SLCO1B3: variants seen among roughly 807,000 people sequenced by gnomAD.
SLCO1B3 encodes solute carrier organic anion transporter family member 1B3, also known as liver-specific organic anion transporter 2.
SLCO1B3 carries 72 observed loss-of-function variants against 71.8 expected under a neutral mutation model. The observed-to-expected ratio is 1.00, with a 90% CI of 0.83 to 1.22. The LOEUF is 1.22. Among genes scored for constraint, SLCO1B3 ranks in the 50% most tolerant of loss-of-function variants. SLCO1B3 has a pLI of 0.00. For synonymous variants in SLCO1B3, 298 were observed against 278.4 expected (o/e 1.07, Z -0.70); for missense variants, 911 against 819.7 (o/e 1.11, Z -1.36).
At chr12:20,831,565 A>C (rs185471072) in intron 3 of SLCO1B3, among the ~76,000 whole-genome samples, 1 of 152,196 alleles carries the variant, frequency 6.6e-6, no homozygotes, top group Non-Finnish European at 1.5e-5. Context: ...AGTTGAATTT[A>C]GTTGCATTTC....
At chr12:20,896,025 C>T (rs974212399) in intron 13 of SLCO1B3, among the ~76,000 whole-genome samples, 38 of 152,292 alleles carry the variant, frequency 2.5e-4, no homozygotes, top group African/African-American at 6.7e-4. Context: ...CCCTTTCAGC[C>T]ACAGCTGGAG....
intron 3 of SLCO1B3, among the ~76,000 whole-genome samples, chr12:20,850,243 TTTA>T (rs1161652422): frequency 6.8e-6 from 1 of 147,824 alleles, no homozygotes; most frequent in African/African-American, 2.5e-5. Flanking sequence ...ACAGATTATT[TTTA>T]TTATTATTAT....
chr12:20,811,554 C>A (rs1233013676), intron 1 of SLCO1B3, among the ~76,000 whole-genome samples: 3 of 152,188 alleles, frequency 2.0e-5, no homozygotes, highest in Non-Finnish European at 4.4e-5. Flanking sequence ...TTGGCCTGCA[C>A]TGGTTTTCTA....
In SLCO1B3 at chr12:20,858,179, C is replaced by CA. The variant is rs142322493; in HGVS notation, c.227-251dup. 4.2e-4 allele frequency among the ~76,000 whole-genome samples: 64 copies of CA among 151,044 alleles called. 1 individual carries two copies. Among genetic ancestry groups the CA allele is most frequent in the African/African-American group, 1.2e-3 (50 of 41,256 alleles). On this transcript the variant is annotated intron_variant, in intron 4 of 15. Coordinates refer to ENST00000381545, the MANE Select transcript of SLCO1B3 (RefSeq NM_019844.4). ...TGCAATCCAGTAAACTCCAAATTTT[C>CA]AAAAAAAAACTTTGCTTCTCTCATA...
rs57325543 is a variant in SLCO1B3 at position 20,855,097 on chromosome 12, A to G, written c.154A>G (p.Ile52Val). Reference sequence around the variant, plus strand: ...AGGTGGAATCATTATGAAAATTTCCATCACTCAAATAGAAAGGAGATTTGA... The same window carrying G: ...AGGTGGAATCATTATGAAAATTTCCGTCACTCAAATAGAAAGGAGATTTGA... ...ALGGIIMKIS[I>V]TQIERRFDIS... Residue 52 changes from isoleucine (I) to valine (V), a missense_variant, in exon 4 of 16, where the codon ATC (isoleucine) becomes GTC (valine). Physicochemically the swap from Ile to Val is conservative, Grantham distance 29 (BLOSUM62 3). Coordinates refer to ENST00000381545, the MANE Select transcript of SLCO1B3 (RefSeq NM_019844.4). 642 of 1,612,072 alleles carry G rather than the reference A, an allele frequency of 4.0e-4. 4 individuals carry two copies. The African/African-American group carries it at 7.9e-3, about 20-fold the overall frequency.
Position 20,879,635 on chromosome 12 carries a change from T to C in SLCO1B3, c.1331+4T>C. 6.3e-7 allele frequency: 1 copy of C among 1,575,752 alleles called. No individual in the cohort carries two copies. Among genetic ancestry groups the C allele is most frequent in the Non-Finnish European group, 8.7e-7 (1 of 1,154,798 alleles). On this transcript the variant is annotated splice_donor_region_variant and intron_variant, in intron 11 of 15. Coordinates refer to ENST00000381545, the MANE Select transcript of SLCO1B3 (RefSeq NM_019844.4). Reference sequence around the variant, plus strand: ...GCCTAACCTTGACCTATGATGGGTTTGTATATATTGCTATATAAATTGTGT... The same window carrying C: ...GCCTAACCTTGACCTATGATGGGTTCGTATATATTGCTATATAAATTGTGT...
rs138739645 is a variant in SLCO1B3, at chr12:20,810,922, A to C, written c.-181+158A>C. ...TGTTCTGAGCCCTTAAAGCCTTGTA[A>C]ATATCCCTTCTAGAAATAGAAGAGC... On this transcript the variant is annotated intron_variant, in intron 1 of 15. Coordinates refer to ENST00000381545, the MANE Select transcript of SLCO1B3 (RefSeq NM_019844.4). Among the ~76,000 whole-genome samples the C allele has an allele frequency of 1.6e-4, 25 of 152,300 alleles. No homozygotes were observed. The East Asian group carries it at 4.6e-3, about 28-fold the overall frequency.
At chr12:20,904,305 T>C (rs1368151175) in intron 15 of SLCO1B3, among the ~76,000 whole-genome samples, 3 of 151,972 alleles carry the variant, frequency 2.0e-5, no homozygotes, top group Admixed American at 6.6e-5. Context: ...AATACTCTTA[T>C]TCCAAATGGG....
intron 8 of SLCO1B3, among the ~76,000 whole-genome samples, chr12:20,872,734 T>C (rs2121285273): frequency 6.6e-6 from 1 of 152,216 alleles, no homozygotes; most frequent in Non-Finnish European, 1.5e-5. Flanking sequence ...ATGTTGTCCA[T>C]GAGTTAGGGC....
intron 3 of SLCO1B3, among the ~76,000 whole-genome samples, chr12:20,840,762 G>C (rs1019615486): frequency 2.0e-5 from 3 of 152,296 alleles, no homozygotes; most frequent in South Asian, 4.1e-4. Context: ...ACTGGCTGAA[G>C]TTGGGTATTT....
intron 3 of SLCO1B3, among the ~76,000 whole-genome samples, chr12:20,828,749 C>T (rs1007275426): frequency 6.6e-6 from 1 of 151,962 alleles, no homozygotes; most frequent in African/African-American, 2.4e-5. Flanking sequence ...AATTTCATTA[C>T]CATATTTTAG....
chr12:20,883,848 CTGAT>C lies in SLCO1B3; in HGVS notation c.1682+250_1682+253del, dbSNP rs5796887. 0.72 allele frequency among the ~76,000 whole-genome samples: 109,665 copies of C among 151,570 alleles called. 42,237 individuals are homozygous for C. The highest frequency in any genetic ancestry group is 0.9 in the South Asian group (4,347 of 4,822). On this transcript the variant is annotated intron_variant, in intron 13 of 15. Coordinates refer to ENST00000381545, the MANE Select transcript of SLCO1B3 (RefSeq NM_019844.4). ...TTTAATAAAAATCTTAAGGCACACA[CTGAT>C]TGACAGTTGCCTTGATTGTAGGAGA...
Position 20,914,023 on chromosome 12 carries a change from C to G in SLCO1B3, c.1866-1981C>G, listed in dbSNP as rs540364474. On this transcript the variant is annotated intron_variant, in intron 15 of 15. Coordinates refer to ENST00000381545, the MANE Select transcript of SLCO1B3 (RefSeq NM_019844.4). ...ACTTGATTCTCCCATCTTGGCCCCC[C>G]AGAGTGCTGGGATTACAGGCATGAG... is the stretch of plus-strand genomic sequence containing the variant. Among the ~76,000 whole-genome samples the G allele has an allele frequency of 2.4e-4, 37 of 152,298 alleles. No individual in the cohort carries two copies. In the South Asian group the frequency reaches 6.2e-3, roughly 26 times the overall value.
At chr12:20,879,997 G>A (rs1325113500) in intron 11 of SLCO1B3, among the ~76,000 whole-genome samples, 1 of 151,832 alleles carries the variant, frequency 6.6e-6, no homozygotes, top group Non-Finnish European at 1.5e-5. Context: ...GGTATCAGAT[G>A]TCATTAAATA....
intron 15 of SLCO1B3, among the ~76,000 whole-genome samples, chr12:20,902,914 CA>C (rs951362622): frequency 1.2e-4 from 18 of 150,108 alleles, no homozygotes; most frequent in African/African-American, 3.9e-4. Flanking sequence ...AGTAAAAATA[CA>C]AAAAAAAATT....
intron 3 of SLCO1B3, among the ~76,000 whole-genome samples, chr12:20,816,732 T>C (rs750325882): frequency 6.6e-6 from 1 of 152,202 alleles, no homozygotes; most frequent in Non-Finnish European, 1.5e-5. Flanking sequence ...GATTGCTGGA[T>C]CACGTGGTAG....
chr12:20,855,374 T>C (rs1200191684), intron 4 of SLCO1B3, among the ~76,000 whole-genome samples: 1 of 152,166 alleles, frequency 6.6e-6, no homozygotes, highest in Non-Finnish European at 1.5e-5. Context: ...AGGTCAGGTA[T>C]GCTGCTAAAC....
intron 14 of SLCO1B3, among the ~76,000 whole-genome samples, chr12:20,900,547 G>A (rs1236777958): frequency 2.6e-5 from 4 of 152,232 alleles, no homozygotes; most frequent in East Asian, 3.9e-4. Flanking sequence ...CACAGTCATC[G>A]AAATCAGGCA....
intron 3 of SLCO1B3, among the ~76,000 whole-genome samples, chr12:20,837,156 A>AT (rs1864701262): frequency 6.6e-6 from 1 of 151,914 alleles, no homozygotes; most frequent in East Asian, 1.9e-4. Context: ...TTGTAGTGGT[A>AT]TCCCCTCTGT....
Sources: gnomAD v4.1 joint callset for allele counts (sites outside exome capture counted in the v4.1 genomes callset) on GRCh38, gnomAD v4.1.1 for gene constraint, MANE v1.5 for transcripts, NCBI Gene and HGNC (gene_info 2026-07-23, HGNC 2026-07-21) for gene names.